ANO2: variants seen among roughly 807,000 people sequenced by gnomAD.
The protein encoded by ANO2 is anoctamin-2.
A neutral mutation model predicts 124.2 loss-of-function variants in ANO2; 101 were observed. The ratio of observed to expected loss-of-function variants is 0.81; its 90% CI spans 0.69 to 0.96. The LOEUF is 0.96. Ranked by LOEUF, ANO2 falls within the 40% of genes least tolerant of loss-of-function variation. The pLI is 0.00. For synonymous variants in ANO2, 486 were observed against 482.5 expected (o/e 1.01, Z -0.09); for missense variants, 1,293 against 1,274.5 (o/e 1.01, Z -0.22).
rs763164200 is a variant in ANO2 at position 5,744,245 on chromosome 12, G to T, written c.1263C>A (p.Asn421Lys). 1.2e-6 allele frequency: 2 copies of T among 1,613,970 alleles called. No homozygotes were observed. The highest frequency in any genetic ancestry group is 1.7e-5 in the Admixed American group (1 of 60,026). ...GCGCGGTCCCACAGGCTGAGCTGAG[G>T]TTCCAGTAATCACAGGACTTGTCAC... ...PLCDKSCDYWNLSSACGTAQA... is the reference protein window; with the variant it reads ...PLCDKSCDYWKLSSACGTAQA... The change falls in exon 12 of 25, where the codon AAC becomes AAA. Residue 421 changes from asparagine to lysine, a missense_variant. Asn to Lys is a moderately conservative substitution (Grantham distance 94). Transcript: ENST00000682330.
chr12:5,640,403 A>T (rs1040239783), intron 15 of ANO2, among the ~76,000 whole-genome samples: 3 of 152,304 alleles, frequency 2.0e-5, no homozygotes, highest in South Asian at 4.1e-4. Context: ...GGGTAATGCT[A>T]AGTCCTTTTT....
intron 3 of ANO2, 78 bp from the exon 4 acceptor site, chr12:5,854,219 C>T (rs1591700991): frequency 4.6e-6 from 6 of 1,299,032 alleles, no homozygotes; most frequent in Non-Finnish European, 6.5e-6. Flanking sequence ...AACTGTTCCA[C>T]ACAAGGAGCC....
chr12:5,632,583 C>A (rs776012898), intron 16 of ANO2, among the ~76,000 whole-genome samples: 8 of 151,928 alleles, frequency 5.3e-5, no homozygotes, highest in Non-Finnish European at 8.8e-5. Context: ...TTGGTCTGGG[C>A]AAGGAGGGTG....
intron 16 of ANO2, among the ~76,000 whole-genome samples, chr12:5,627,908 C>T (rs1945497750): frequency 6.6e-6 from 1 of 151,278 alleles, no homozygotes; most frequent in South Asian, 2.1e-4. Flanking sequence ...GCCTGGGAAA[C>T]AAAATGAGAT....
At chr12:5,796,022 A>C (rs948627443) in intron 10 of ANO2, among the ~76,000 whole-genome samples, 6 of 152,156 alleles carry the variant, frequency 3.9e-5, no homozygotes, top group Non-Finnish European at 8.8e-5. Flanking sequence ...ACAAGGCACA[A>C]GTGCTGCTGG....
At chr12:5,834,055 C>G (rs528302671) in intron 4 of ANO2, among the ~76,000 whole-genome samples, 1 of 152,232 alleles carries the variant, frequency 6.6e-6, no homozygotes, top group Non-Finnish European at 1.5e-5. Context: ...AGGCATACAA[C>G]TAAAGCCTTC....
At chr12:5,681,426 C>T (rs1291202425) in intron 14 of ANO2, among the ~76,000 whole-genome samples, 3 of 152,178 alleles carry the variant, frequency 2.0e-5, no homozygotes, top group African/African-American at 7.2e-5. Context: ...GCCCAAGGTG[C>T]AGCCAATATC....
intron 14 of ANO2, among the ~76,000 whole-genome samples, chr12:5,668,797 T>C (rs959696850): frequency 1.1e-4 from 16 of 152,338 alleles, no homozygotes; most frequent in African/African-American, 3.1e-4. Context: ...ATTTATTAAA[T>C]AGGGAATCCT....
intron 14 of ANO2, among the ~76,000 whole-genome samples, chr12:5,726,471 C>G (rs1345916451): frequency 6.6e-6 from 1 of 152,176 alleles, no homozygotes; most frequent in Non-Finnish European, 1.5e-5. Context: ...TGAAGGAAAA[C>G]TTTCAGCAGA....
intron 20 of ANO2, among the ~76,000 whole-genome samples, chr12:5,583,445 A>T (rs910200485): frequency 6.6e-6 from 1 of 152,108 alleles, no homozygotes. Context: ...CAAGGTCAGG[A>T]GATCGAGACC....
At chr12:5,930,940 T>C (rs184562503) in intron 1 of ANO2, among the ~76,000 whole-genome samples, 412 of 152,232 alleles carry the variant, frequency 2.7e-3, no homozygotes, top group Non-Finnish European at 4.5e-3. Context: ...ATTAGCCCTC[T>C]CTCTCCAATG....
In ANO2 at chr12:5,583,218, A is replaced by T. The variant is rs1459663547; in HGVS notation, c.2234-4700T>A. Reference sequence around the variant, plus strand: ...AGCACTGCACTTGCTGATGGTGAAAAGAGAGGTAGACATGAAGTATGAACA... The same window carrying T: ...AGCACTGCACTTGCTGATGGTGAAATGAGAGGTAGACATGAAGTATGAACA... On this transcript the variant is annotated intron_variant, in intron 20 of 24. Transcript: ENST00000682330. Among the ~76,000 whole-genome samples the T allele has an allele frequency of 2.0e-5, 3 of 152,356 alleles. No homozygotes were observed. The East Asian group carries it at 5.8e-4, about 29-fold the overall frequency.
intron 10 of ANO2, among the ~76,000 whole-genome samples, chr12:5,797,863 C>T (rs1288666578): frequency 6.6e-6 from 1 of 152,140 alleles, no homozygotes; most frequent in Non-Finnish European, 1.5e-5. Flanking sequence ...GATTTGAGCT[C>T]TCCATCCTCA....
chr12:5,812,253 G>A (rs561210889), intron 7 of ANO2, among the ~76,000 whole-genome samples: 1 of 135,538 alleles, frequency 7.4e-6, no homozygotes, highest in East Asian at 2.5e-4. Context: ...GGAAGAGAGG[G>A]GAAAGGAGGG....
At chr12:5,652,441 T>G (rs1591822618) in intron 14 of ANO2, among the ~76,000 whole-genome samples, 1 of 152,208 alleles carries the variant, frequency 6.6e-6, no homozygotes, top group East Asian at 1.9e-4. Context: ...AAATATAACA[T>G]AAAATCTAAT....
At chr12:5,694,255 G>C (rs184256960) in intron 14 of ANO2, among the ~76,000 whole-genome samples, 2 of 145,208 alleles carry the variant, frequency 1.4e-5, no homozygotes, top group Admixed American at 6.8e-5. Context: ...CAGAGACAGA[G>C]AGAGAGAGAG....
At chr12:5,757,837 AAAGT>A (rs1951624109) in intron 10 of ANO2, among the ~76,000 whole-genome samples, 1 of 152,092 alleles carries the variant, frequency 6.6e-6, no homozygotes, top group African/African-American at 2.4e-5. Context: ...AGTCCCTGTA[AAAGT>A]AAGAAGAAAT....
chr12:5,640,779 G>C (rs548785813), intron 15 of ANO2, among the ~76,000 whole-genome samples: 125 of 152,318 alleles, frequency 8.2e-4, no homozygotes, highest in East Asian at 2.7e-3. Context: ...GTTGGTGGGA[G>C]CGTGAACTAG....
At chr12:5,731,067 C>T (rs1006848193) in intron 14 of ANO2, among the ~76,000 whole-genome samples, 1 of 152,172 alleles carries the variant, frequency 6.6e-6, no homozygotes, top group African/African-American at 2.4e-5. Context: ...TTGGCATTCC[C>T]GTCTATGGAA....
Sources: allele counts gnomAD v4.1 joint callset (sites outside exome capture counted in the v4.1 genomes callset), GRCh38; gene constraint gnomAD v4.1.1; transcripts MANE v1.5; gene names NCBI Gene and HGNC (gene_info 2026-07-23, HGNC 2026-07-21).